CLCN4: variants seen among roughly 807,000 people sequenced by gnomAD.
CLCN4 encodes the protein Cl-/H+ antiporter 4.
CLCN4 carries 1 observed loss-of-function variant against 41.7 expected under a neutral mutation model. That is an observed-to-expected ratio of 0.02 (90% CI 0.01 to 0.11). CLCN4 has a LOEUF of 0.11. CLCN4 is among the 10% of genes least tolerant of loss of function. CLCN4 has a pLI of 1.00. For synonymous variants in CLCN4, 277 were observed against 285.8 expected, an observed-to-expected ratio of 0.97 and a Z score of 0.31; for missense variants, 287 against 661.0, an observed-to-expected ratio of 0.43 and a Z score of 6.20.
intron 4 of CLCN4, among the ~76,000 whole-genome samples, chrX:10,191,966 C>T (rs5978381): frequency 0.15 from 16,898 of 110,362 alleles, 1,203 homozygotes; most frequent in South Asian, 0.31. Flanking sequence ...GAGTAACTGC[C>T]GTGTAGTAGG....
intron 2 of CLCN4, among the ~76,000 whole-genome samples, chrX:10,169,875 G>A (rs1480898431): frequency 1.9e-5 from 2 of 103,106 alleles, no homozygotes; most frequent in Non-Finnish European, 3.9e-5. Flanking sequence ...TGCAAGCTCC[G>A]CCTCCTGGAT....
At chrX:10,171,392 G>A (rs1174349684) in intron 2 of CLCN4, among the ~76,000 whole-genome samples, 1 of 112,071 alleles carries the variant, frequency 8.9e-6, no homozygotes, top group Admixed American at 9.5e-5. Flanking sequence ...AATATAAAAT[G>A]CCATGTGATG....
intron 2 of CLCN4, among the ~76,000 whole-genome samples, chrX:10,165,061 C>A (rs1923211316): frequency 8.9e-6 from 1 of 112,747 alleles, no homozygotes; most frequent in South Asian, 3.6e-4. Flanking sequence ...GGTCGCCCTG[C>A]ACCGCCTGTC....
At chrX:10,166,608 C>G (rs1294963869) in intron 2 of CLCN4, among the ~76,000 whole-genome samples, 1 of 111,875 alleles carries the variant, frequency 8.9e-6, no homozygotes, top group African/African-American at 3.3e-5. Flanking sequence ...TGAGACTTAA[C>G]CTCTGTGCCG....
intron 2 of CLCN4, among the ~76,000 whole-genome samples, chrX:10,176,892 C>T (rs1055927398): frequency 2.7e-5 from 3 of 111,865 alleles, no homozygotes; most frequent in African/African-American, 6.5e-5. Context: ...GTTTTATGGA[C>T]GGTGTAAATA....
At chrX:10,174,515 C>T (rs761439544) in intron 2 of CLCN4, among the ~76,000 whole-genome samples, 4 of 112,699 alleles carry the variant, frequency 3.5e-5, no homozygotes, top group East Asian at 2.8e-4. Flanking sequence ...TGTTCCAGGG[C>T]GGGCATTTTA....
intron 11 of CLCN4, among the ~76,000 whole-genome samples, chrX:10,216,918 T>TATATATATATATATACAC (rs773265490): frequency 1.0e-4 from 4 of 38,931 alleles, no homozygotes; most frequent in African/African-American, 4.4e-4. Context: ...TATATATATA[T>TATATATATATATATACAC]ACACACACAC....
intron 4 of CLCN4, among the ~76,000 whole-genome samples, chrX:10,190,464 C>T: frequency 9.0e-6 from 1 of 110,993 alleles, no homozygotes; most frequent in East Asian, 2.8e-4. Context: ...TGTGGAAAAA[C>T]AAAGAACTGT....
At chrX:10,189,361 G>C (rs1367678154) in intron 4 of CLCN4, among the ~76,000 whole-genome samples, 1 of 111,613 alleles carries the variant, frequency 9.0e-6, no homozygotes, top group African/African-American at 3.3e-5. Context: ...ATTTCCATCA[G>C]CTCTTTCACG....
intron 2 of CLCN4, among the ~76,000 whole-genome samples, chrX:10,166,271 C>A (rs748042949): frequency 8.9e-6 from 1 of 112,155 alleles, no homozygotes; most frequent in South Asian, 3.7e-4. Flanking sequence ...ACGAAGGCAT[C>A]AGCAGCGCGC....
rs151068508 is a variant in CLCN4 at position 10,208,357 on chromosome X, C to T, written c.1156C>T (p.Pro386Ser). ...VTAITAIIAY[P>S]NPYTRQSTSE... The stretch of plus-strand genomic sequence containing the variant: ...TGCCATCACTGCCATCATTGCCTAC[C>T]CCAATCCCTACACACGCCAGAGCAC... The change falls in exon 9 of 13, where the codon CCC becomes TCC. Residue 386 changes from proline to serine, a missense_variant. By Grantham distance (74) the Pro-to-Ser change is moderately conservative (BLOSUM62 -1). This residue lies in a region of CLCN4 where 94 missense variants were observed against 177.9 expected (regional missense o/e 0.53). Transcript: ENST00000380833. 3 of 1,208,700 alleles carry T rather than the reference C, an allele frequency of 2.5e-6. No individual in the cohort carries two copies. The highest frequency in any genetic ancestry group is 3.4e-6 in the Non-Finnish European group (3 of 894,875).
At position 10,235,887 on chromosome X, in the gene CLCN4, C is replaced by T. The variant is rs1035845118; in HGVS notation, c.*2303C>T. 4 of 112,297 alleles carry T rather than the reference C, an allele frequency of 3.6e-5. No homozygotes were observed. The highest frequency in any genetic ancestry group is 5.6e-5 in the Non-Finnish European group (3 of 53,298). The allele number at this position is 112,297 out of a possible 1,213,427, so 9.3% of individuals were successfully genotyped here. On this transcript the variant is annotated 3_prime_UTR_variant, in exon 13 of 13. Coordinates refer to ENST00000380833, the MANE Select transcript of CLCN4 (RefSeq NM_001830.4). ...AAAATTCATTGTCGTATTTATAGCA[C>T]GTAAGCCTTGAGTAACAGGTCTTAA...
At chrX:10,161,827 G>A (rs143283993) in intron 2 of CLCN4, among the ~76,000 whole-genome samples, 107 of 110,415 alleles carry the variant, frequency 9.7e-4, no homozygotes, top group African/African-American at 3.3e-3. Context: ...GCTTCTGCCT[G>A]GGGTGTGTTT....
Position 10,235,332 on chromosome X carries a change from G to T in CLCN4, c.*1748G>T, listed in dbSNP as rs1925225367. On this transcript the variant is annotated 3_prime_UTR_variant, in exon 13 of 13. Coordinates refer to ENST00000380833, the MANE Select transcript of CLCN4 (RefSeq NM_001830.4). ...GCTTGTATCCATTGACTGGAAGTCT[G>T]TCACGTGGCTCCCCCTAGCCGCACA... 8.9e-6 allele frequency: 1 copy of T among 112,091 alleles called. No individual in the cohort carries two copies. Among genetic ancestry groups the T allele is most frequent in the Admixed American group, 9.5e-5 (1 of 10,547 alleles). 9.2% of individuals were successfully genotyped at this position (112,091 alleles called of 1,213,427 possible). A position where few individuals can be genotyped will look rare whatever the true frequency, so the allele number is the denominator to read the frequency against.
intron 12 of CLCN4, among the ~76,000 whole-genome samples, chrX:10,228,757 A>C (rs1257545264): frequency 8.9e-6 from 1 of 111,897 alleles, no homozygotes; most frequent in Non-Finnish European, 1.9e-5. Flanking sequence ...AGTTCACTGC[A>C]GTTCTATAAG....
intron 2 of CLCN4, among the ~76,000 whole-genome samples, chrX:10,177,137 A>G (rs1411066967): frequency 8.9e-6 from 1 of 112,568 alleles, no homozygotes; most frequent in Non-Finnish European, 1.9e-5. Context: ...AAAGAATAAT[A>G]TTTTGCCACA....
In CLCN4 at chrX:10,220,827, G is replaced by A; in HGVS notation, c.2142G>A (p.Val714=). 1 of 1,212,054 alleles carries A rather than the reference G, an allele frequency of 8.3e-7. No individual in the cohort carries two copies. The highest frequency in any genetic ancestry group is 2.3e-4 in the Middle Eastern group (1 of 4,351). Residue 714 remains valine (V), a synonymous_variant, in exon 12 of 13, where the codon GTG becomes GTA. Coordinates refer to ENST00000380833, the MANE Select transcript of CLCN4 (RefSeq NM_001830.4). ...VTDHTPMETV[V]DIFRKLGLRQ... is the part of the protein sequence containing the mutation. The stretch of plus-strand genomic sequence containing the variant: ...ACCACACTCCGATGGAAACGGTGGT[G>A]GATATCTTCCGGAAACTGGGGCTTC...
intron 11 of CLCN4, among the ~76,000 whole-genome samples, chrX:10,219,232 G>A (rs1924800253): frequency 8.9e-6 from 1 of 112,383 alleles, no homozygotes; most frequent in East Asian, 2.8e-4. Flanking sequence ...TCTTGATTGG[G>A]GTTTGCAACT....
chrX:10,205,576 C>T (rs1924364327), intron 6 of CLCN4, among the ~76,000 whole-genome samples: 1 of 106,713 alleles, frequency 9.4e-6, no homozygotes, highest in African/African-American at 3.4e-5. Context: ...AGTCAGTTTG[C>T]CAGAGTGGCA....
Sources: gnomAD v4.1 joint callset for allele counts (sites outside exome capture counted in the v4.1 genomes callset) on GRCh38, gnomAD v4.1.1 for gene constraint, gnomAD v4.1.1 regional missense constraint, MANE v1.5 for transcripts, NCBI Gene and HGNC (gene_info 2026-07-23, HGNC 2026-07-21) for gene names.